ELP4: variants seen among roughly 807,000 people sequenced by gnomAD.
The protein encoded by ELP4 is elongator acetyltransferase complex subunit 4.
Under a neutral mutation model 48.9 loss-of-function variants are expected in ELP4, and 51 were observed. That is an observed-to-expected ratio of 1.04 (90% CI 0.83 to 1.32). ELP4 has a LOEUF of 1.32. ELP4 is among the 40% of genes most tolerant of loss of function. The probability of loss-of-function intolerance (pLI) is 0.00; values close to 1 mark genes in which losing one functional copy is unlikely to be tolerated. For missense variants in ELP4, 519 were observed against 514.6 expected (o/e 1.01, Z -0.08); for synonymous variants, 210 against 189.2 (o/e 1.11, Z -0.90).
At chr11:31,574,297 C>T (rs1397643817) in intron 3 of ELP4, among the ~76,000 whole-genome samples, 1 of 152,182 alleles carries the variant, frequency 6.6e-6, no homozygotes, top group African/African-American at 2.4e-5. Flanking sequence ...GAAGCTTGAG[C>T]TGAGTGGAGC....
chr11:31,699,099 C>T (rs1015923475), intron 9 of ELP4, among the ~76,000 whole-genome samples: 2 of 152,144 alleles, frequency 1.3e-5, no homozygotes, highest in Non-Finnish European at 1.5e-5. Context: ...ACCTTCTCTT[C>T]TGAAGAGCCT....
At chr11:31,704,893 C>G (rs887990625) in intron 9 of ELP4, among the ~76,000 whole-genome samples, 9 of 151,698 alleles carry the variant, frequency 5.9e-5, no homozygotes, top group Admixed American at 1.3e-4. Flanking sequence ...CGCCTATAGT[C>G]CCAGCTACTT....
chr11:31,736,125 G>A (rs1947310811), intron 9 of ELP4, among the ~76,000 whole-genome samples: 1 of 152,134 alleles, frequency 6.6e-6, no homozygotes, highest in African/African-American at 2.4e-5. Context: ...TACCAAAACA[G>A]AGCTGTAGAC....
chr11:31,651,394 G>T (rs892075781), intron 9 of ELP4: 1 of 151,690 alleles, frequency 6.6e-6, no homozygotes, highest in African/African-American at 2.4e-5. Context: ...CTTCAAGCAG[G>T]TCATCTCTGC....
chr11:31,630,091 A>C (rs539939097), intron 6 of ELP4, among the ~76,000 whole-genome samples: 4 of 152,170 alleles, frequency 2.6e-5, no homozygotes, highest in African/African-American at 9.6e-5. Flanking sequence ...ATGATAACAT[A>C]GGGTGTCTTA....
chr11:31,604,699 A>G (rs1957841337), intron 5 of ELP4, among the ~76,000 whole-genome samples: 1 of 151,972 alleles, frequency 6.6e-6, no homozygotes, highest in Non-Finnish European at 1.5e-5. Context: ...GTGAACCAAA[A>G]TGACTTAAAA....
At chr11:31,532,606 T>G (rs960568826) in intron 2 of ELP4, among the ~76,000 whole-genome samples, 1 of 152,182 alleles carries the variant, frequency 6.6e-6, no homozygotes, top group Non-Finnish European at 1.5e-5. Context: ...TATTGTAATA[T>G]GCATCCGTAA....
intron 9 of ELP4, among the ~76,000 whole-genome samples, chr11:31,756,650 G>T (rs979293627): frequency 3.3e-5 from 5 of 152,108 alleles, no homozygotes; most frequent in Admixed American, 3.3e-4. Flanking sequence ...GTACATGGTG[G>T]TGCTCAATAA....
At chr11:31,522,499 A>G (rs1461587929) in intron 2 of ELP4, among the ~76,000 whole-genome samples, 1 of 152,168 alleles carries the variant, frequency 6.6e-6, no homozygotes, top group African/African-American at 2.4e-5. Flanking sequence ...TAACAACTGC[A>G]TAGGATTTGA....
chr11:31,690,653 T>TGTGAAAG (rs1436457548), intron 9 of ELP4, among the ~76,000 whole-genome samples: 1 of 151,990 alleles, frequency 6.6e-6, no homozygotes, highest in Admixed American at 6.6e-5. Context: ...TGATCTTTCT[T>TGTGAAAG]ATTTATTTAA....
chr11:31,527,438 G>T (rs1956314830), intron 2 of ELP4, among the ~76,000 whole-genome samples: 1 of 151,850 alleles, frequency 6.6e-6, no homozygotes, highest in South Asian at 2.1e-4. Flanking sequence ...TAAAATCAAT[G>T]TGTTTGAAGC....
At chr11:31,574,237 G>T (rs1295693610) in intron 3 of ELP4, among the ~76,000 whole-genome samples, 3 of 152,194 alleles carry the variant, frequency 2.0e-5, no homozygotes, top group Non-Finnish European at 4.4e-5. Context: ...GAGGCTGGGG[G>T]AGGGACGTCC....
In ELP4 at chr11:31,783,399, C is replaced by T. The variant is rs750204793; in HGVS notation, c.1150C>T (p.His384Tyr). The change falls in exon 10 of 10, where the codon CAT (histidine) becomes TAT (tyrosine). Residue 384 changes from histidine to tyrosine, a missense_variant. His to Tyr is a moderately conservative substitution (Grantham distance 83, BLOSUM62 2). Transcript: ENST00000640961. ...CTGAAATCTTCTGCCATAGCGACTG[C>T]ATTTGCCTCCAGACTTGTCAGACAC... Reference protein sequence around the residue: ...KRKLFTIERLHLPPDLSDTVS... With the variant: ...KRKLFTIERLYLPPDLSDTVS... 1.2e-6 allele frequency: 2 copies of T among 1,611,160 alleles called. No homozygotes were observed. The highest frequency in any genetic ancestry group is 4.5e-5 in the East Asian group (2 of 44,864).
rs1018044564 is a variant in ELP4 at position 31,545,807 on chromosome 11, A to G, written c.381+6024A>G. Reference sequence around the variant, plus strand: ...TCTCTCTGCAGAAACTCTACAAGCCAGAAGAGAGTGGGGGCCAATATTGAA... The same window carrying G: ...TCTCTCTGCAGAAACTCTACAAGCCGGAAGAGAGTGGGGGCCAATATTGAA... On this transcript the variant is annotated intron_variant, in intron 3 of 9. Coordinates refer to ENST00000640961, the MANE Select transcript of ELP4 (RefSeq NM_019040.5). Among the ~76,000 whole-genome samples the G allele has an allele frequency of 7.6e-4, 115 of 152,308 alleles. 2 individuals carry two copies. Among genetic ancestry groups the G allele is most frequent in the African/African-American group, 2.2e-4 (9 of 41,578 alleles).
At chr11:31,514,373 C>T (rs1332362316) in intron 1 of ELP4, among the ~76,000 whole-genome samples, 3 of 152,128 alleles carry the variant, frequency 2.0e-5, no homozygotes. Context: ...GGGGGAGAAG[C>T]CCTGAGCCTG....
intron 9 of ELP4, among the ~76,000 whole-genome samples, chr11:31,751,179 A>G (rs1185376551): frequency 1.3e-5 from 2 of 152,222 alleles, no homozygotes; most frequent in East Asian, 1.9e-4. Context: ...CTTTCTAACA[A>G]GTTCACTGGT....
intron 9 of ELP4, among the ~76,000 whole-genome samples, chr11:31,762,357 G>A (rs1947961801): frequency 1.3e-5 from 2 of 152,028 alleles, no homozygotes; most frequent in South Asian, 4.1e-4. Context: ...GCCTTCAAAA[G>A]CAGGACCAGT....
intron 9 of ELP4, among the ~76,000 whole-genome samples, chr11:31,766,778 G>T (rs1948050805): frequency 6.6e-6 from 1 of 152,004 alleles, no homozygotes; most frequent in Non-Finnish European, 1.5e-5. Flanking sequence ...CTAAGTGTTT[G>T]TAATATACTC....
At position 31,784,238 on chromosome 11, in the gene ELP4, A is replaced by G. The variant is rs1948439265; in HGVS notation, c.*714A>G. ...AACTGACAGCTACATTAATGCTAGG[A>G]TACCAGGAGAAAAACATATACTGAA... is the stretch of plus-strand genomic sequence containing the variant. On this transcript the variant is annotated 3_prime_UTR_variant, in exon 10 of 10. Coordinates refer to ENST00000640961, the MANE Select transcript of ELP4 (RefSeq NM_019040.5). 1 of 152,220 alleles carries G rather than the reference A, an allele frequency of 6.6e-6. No individual in the cohort carries two copies. Among genetic ancestry groups the G allele is most frequent in the Non-Finnish European group, 1.5e-5 (1 of 68,020 alleles). 9.4% of individuals were successfully genotyped at this position (152,220 alleles called of 1,614,324 possible). A position where few individuals can be genotyped will look rare whatever the true frequency, so the allele number is the denominator to read the frequency against.
Sources: allele counts gnomAD v4.1 joint callset (sites outside exome capture counted in the v4.1 genomes callset), GRCh38; gene constraint gnomAD v4.1.1; transcripts MANE v1.5; gene names NCBI Gene and HGNC (gene_info 2026-07-23, HGNC 2026-07-21).